Variants in KALRN observed in about 807,000 individuals in gnomAD.
The protein encoded by KALRN is kalirin.
In KALRN, 70 loss-of-function variants were observed where a neutral mutation model predicts 353.7. The observed-to-expected ratio is 0.20, with a 90% CI of 0.16 to 0.24. KALRN has a LOEUF of 0.24. KALRN is among the 10% of genes least tolerant of loss of function. The pLI is 1.00. For synonymous variants in KALRN, 1,391 were observed against 1,434.8 expected, an observed-to-expected ratio of 0.97 and a Z score of 0.69; for missense variants, 2,791 against 3,756.7, an observed-to-expected ratio of 0.74 and a Z score of 6.72.
chr3:124,539,921 T>TGGGGG (rs1239673391), intron 33 of KALRN, among the ~76,000 whole-genome samples: 8 of 95,534 alleles, frequency 8.4e-5, no homozygotes, highest in African/African-American at 4.7e-4. Context: ...CTAATTTTTT[T>TGGGGG]TGGGGGGGGG....
At chr3:124,363,435 T>G (rs1488071911) in intron 10 of KALRN, among the ~76,000 whole-genome samples, 1 of 152,214 alleles carries the variant, frequency 6.6e-6, no homozygotes, top group South Asian at 2.1e-4. Flanking sequence ...CAAGCCTCAG[T>G]TTCTATGTCT....
chr3:124,226,888 C>T (rs1410401630), intron 1 of KALRN, among the ~76,000 whole-genome samples: 1 of 152,134 alleles, frequency 6.6e-6, no homozygotes, highest in Non-Finnish European at 1.5e-5. Flanking sequence ...TGGTTCTGCT[C>T]TCTGAGCTGA....
Position 124,697,647 on chromosome 3 carries a change from T to C in KALRN, c.7754T>C (p.Val2585Ala). The C allele has an allele frequency of 6.2e-7, 1 of 1,611,174 alleles. No individual in the cohort carries two copies. The highest frequency in any genetic ancestry group is 2.2e-5 in the East Asian group (1 of 44,706). Reference protein sequence around the residue: ...PIAQERSCTSVILRWLPPSST... With the variant: ...PIAQERSCTSAILRWLPPSST... ...GCCCAGGAGAGAAGCTGCACCTCCGTGATTCTCCGCTGGCTGCCCCCCTCC... is the reference window on the plus strand; with the variant it reads ...GCCCAGGAGAGAAGCTGCACCTCCGCGATTCTCCGCTGGCTGCCCCCCTCC... Residue 2585 changes from valine to alanine, a missense_variant, in exon 55 of 60, where the codon GTG becomes GCG. Physicochemically the swap from Val to Ala is moderately conservative, Grantham distance 64 (BLOSUM62 0). Transcript: ENST00000682506.
intron 5 of KALRN, among the ~76,000 whole-genome samples, chr3:124,280,289 G>T (rs1436001919): frequency 6.6e-6 from 1 of 152,136 alleles, no homozygotes; most frequent in South Asian, 2.1e-4. Flanking sequence ...TGTAGCCCCA[G>T]TTGTTAGAAA....
intron 25 of KALRN, among the ~76,000 whole-genome samples, chr3:124,464,087 C>T (rs2060105383): frequency 1.3e-5 from 2 of 152,150 alleles, no homozygotes; most frequent in Admixed American, 6.5e-5. Flanking sequence ...GACCATTGAT[C>T]CCAAATTCCA....
intron 1 of KALRN, among the ~76,000 whole-genome samples, chr3:124,091,444 C>T (rs1280219680): frequency 6.6e-6 from 1 of 152,098 alleles, no homozygotes; most frequent in East Asian, 1.9e-4. Context: ...TTGGATCTCT[C>T]CTCCCTCCGT....
At chr3:124,441,136 T>G (rs1468143101) in intron 18 of KALRN, among the ~76,000 whole-genome samples, 1 of 152,218 alleles carries the variant, frequency 6.6e-6, no homozygotes, top group South Asian at 2.1e-4. Flanking sequence ...GAAAAATGTT[T>G]GTAATTTCCA....
intron 19 of KALRN, among the ~76,000 whole-genome samples, chr3:124,444,752 G>A (rs1444204132): frequency 7.1e-5 from 10 of 140,458 alleles, no homozygotes; most frequent in Admixed American, 5.4e-4. Context: ...AGGCTGCAAT[G>A]AGCTATGACT....
chr3:124,313,680 T>A (rs1300477095), intron 6 of KALRN, among the ~76,000 whole-genome samples: 1 of 152,162 alleles, frequency 6.6e-6, no homozygotes, highest in East Asian at 1.9e-4. Flanking sequence ...GGAAGCTTTT[T>A]AAAAATGCCC....
rs139395317 is a variant in KALRN, at chr3:124,244,643, C to G, written c.263+9700C>G. 6.1e-3 allele frequency among the ~76,000 whole-genome samples: 931 copies of G among 152,290 alleles called. 5 individuals carry two copies. Among genetic ancestry groups the G allele is most frequent in the Non-Finnish European group, 9.0e-3 (613 of 68,022 alleles). ...AGGAATATTTTCATAACATTAAAAACTTTTCATGTGTAATAGTGTGTCTTG... is the reference window on the plus strand; with the variant it reads ...AGGAATATTTTCATAACATTAAAAAGTTTTCATGTGTAATAGTGTGTCTTG... On this transcript the variant is annotated intron_variant, in intron 3 of 59. Transcript: ENST00000682506.
intron 1 of KALRN, among the ~76,000 whole-genome samples, chr3:124,132,438 A>G (rs185064884): frequency 6.6e-6 from 1 of 152,330 alleles, no homozygotes; most frequent in African/African-American, 2.4e-5. Flanking sequence ...AGCCTCCATC[A>G]CTGGGAAGTG....
chr3:124,719,662 T>C lies in KALRN; in HGVS notation c.*192T>C. 1.7e-6 allele frequency: 1 copy of C among 578,856 alleles called. No homozygotes were observed. The highest frequency in any genetic ancestry group is 3.0e-6 in the Non-Finnish European group (1 of 331,612). 35.9% of individuals were successfully genotyped at this position (578,856 alleles called of 1,614,324 possible). A position where few individuals can be genotyped will look rare whatever the true frequency, so the allele number is the denominator to read the frequency against. ...TAAAAGTCACCCTAAATCAAGGGGC[T>C]TTTCAGAAGGTCATTCTGAAGAAAT... On this transcript the variant is annotated 3_prime_UTR_variant, in exon 60 of 60. Transcript: ENST00000682506. The surrounding 1 kb of genome is among the most constrained non-coding windows in gnomAD (Gnocchi z 5.3).
rs546701739 is a variant in KALRN at position 124,356,298 on chromosome 3, G to A, written c.1770+9033G>A. Among the ~76,000 whole-genome samples the A allele has an allele frequency of 2.7e-5, 4 of 149,496 alleles. No homozygotes were observed. The South Asian group carries it at 8.5e-4, about 32-fold the overall frequency. ...TTTATTGCTAAATCCAAAAGACACT[G>A]AACAGATTGTTCTCTTTTTTTTTTC... On this transcript the variant is annotated intron_variant, in intron 10 of 59. Transcript: ENST00000682506.
At chr3:124,354,842 C>T (rs771978816) in intron 10 of KALRN, among the ~76,000 whole-genome samples, 11 of 152,166 alleles carry the variant, frequency 7.2e-5, no homozygotes, top group Non-Finnish European at 1.5e-4. Context: ...TATCAGGATG[C>T]TTCACATCTA....
At chr3:124,113,846 A>C (rs2063218862) in intron 1 of KALRN, among the ~76,000 whole-genome samples, 1 of 152,230 alleles carries the variant, frequency 6.6e-6, no homozygotes, top group African/African-American at 2.4e-5. Flanking sequence ...AGGCATTAGA[A>C]GGCGTCAGCA....
intron 55 of KALRN, among the ~76,000 whole-genome samples, chr3:124,699,657 C>T (rs2062223742): frequency 6.6e-6 from 1 of 152,210 alleles, no homozygotes; most frequent in Non-Finnish European, 1.5e-5. Context: ...TATAGGCCAG[C>T]TTCTTCCACG....
chr3:124,364,649 C>T (rs1204900123), intron 10 of KALRN, among the ~76,000 whole-genome samples: 1 of 152,196 alleles, frequency 6.6e-6, no homozygotes, highest in Non-Finnish European at 1.5e-5. Flanking sequence ...ATCTCCCAAT[C>T]CAGCCCTGTT....
At chr3:124,206,209 C>CTT (rs2076395694) in intron 1 of KALRN, among the ~76,000 whole-genome samples, 1 of 152,188 alleles carries the variant, frequency 6.6e-6, no homozygotes, top group Non-Finnish European at 1.5e-5. Flanking sequence ...TGGTTGATGA[C>CTT]AACCCAGGAC....
chr3:124,277,437 G>A (rs753790803), intron 5 of KALRN, among the ~76,000 whole-genome samples: 1 of 152,136 alleles, frequency 6.6e-6, no homozygotes, highest in East Asian at 1.9e-4. Context: ...ACAGAACACA[G>A]TGTCCTGTAT....
Sources: allele counts gnomAD v4.1 joint callset (sites outside exome capture counted in the v4.1 genomes callset), GRCh38; gene constraint gnomAD v4.1.1; non-coding constraint Gnocchi (gnomAD v3.1); transcripts MANE v1.5; gene names NCBI Gene and HGNC (gene_info 2026-07-23, HGNC 2026-07-21).